Variants in WDPCP observed in about 807,000 individuals in gnomAD.
The protein encoded by WDPCP is WD repeat-containing and planar cell polarity effector protein fritz homolog.
WDPCP carries 71 observed loss-of-function variants against 93.1 expected under a neutral mutation model. That is an observed-to-expected ratio of 0.76 (90% CI 0.63 to 0.93). The LOEUF (loss-of-function observed/expected upper bound fraction) is 0.93. WDPCP is among the 40% of genes least tolerant of loss of function. The pLI, the probability that WDPCP is intolerant of heterozygous loss-of-function variation, is 0.00. For missense variants in WDPCP, 844 were observed against 887.4 expected (o/e 0.95, Z 0.62); for synonymous variants, 315 against 315.0 (o/e 1.00, Z 0.00).
intron 3 of WDPCP, among the ~76,000 whole-genome samples, chr2:63,604,195 C>T (rs1023584292): frequency 1.3e-5 from 2 of 152,118 alleles, no homozygotes; most frequent in South Asian, 2.1e-4. Flanking sequence ...TCCTATCCAA[C>T]TCTAAAATTT....
At chr2:63,561,269 G>C (rs947015585) in intron 1 of WDPCP, among the ~76,000 whole-genome samples, 2 of 152,136 alleles carry the variant, frequency 1.3e-5, no homozygotes, top group Non-Finnish European at 2.9e-5. Flanking sequence ...ATGAGGTCAG[G>C]AGATTGAGAC....
Position 63,319,546 on chromosome 2 carries a change from G to A in WDPCP, c.1749-6235C>T, listed in dbSNP as rs72813485. Among the ~76,000 whole-genome samples, 1,198 of 152,264 alleles carry A rather than the reference G, an allele frequency of 7.9e-3. 13 individuals carry two copies. The highest frequency in any genetic ancestry group is 0.014 in the Middle Eastern group (4 of 294). On this transcript the variant is annotated intron_variant, in intron 12 of 17. Transcript: ENST00000272321. The stretch of plus-strand genomic sequence containing the variant: ...CAAAGTTATATTTATTGGATACACA[G>A]AACTTAAATCAGAGAACCACCTCCT...
intron 3 of WDPCP, among the ~76,000 whole-genome samples, chr2:63,606,658 GTTTT>G (rs796718833): frequency 1.4e-5 from 2 of 145,154 alleles, no homozygotes; most frequent in African/African-American, 5.0e-5. Flanking sequence ...CATTTTTGAA[GTTTT>G]TTTTTTTTAG....
intron 1 of WDPCP, among the ~76,000 whole-genome samples, chr2:63,576,625 G>A (rs1031432190): frequency 6.6e-6 from 1 of 152,298 alleles, no homozygotes; most frequent in East Asian, 1.9e-4. Context: ...ATAGTCATGA[G>A]AGAATCTATC....
chr2:63,745,999 G>T lies in WDPCP; in HGVS notation n.308+67623C>A, dbSNP rs371453619. 2.0e-5 allele frequency among the ~76,000 whole-genome samples: 3 copies of T among 152,226 alleles called. No individual in the cohort carries two copies. The South Asian group carries it at 6.2e-4, about 32-fold the overall frequency. On this transcript the variant is annotated intron_variant and non_coding_transcript_variant, in intron 2 of 4. Coordinates refer to the WDPCP transcript ENST00000467687. Reference sequence around the variant, plus strand: ...TGCATTTTCTTAATCACTAATGAAGGTGAGCATGTTTTCATATGTTTATGG... The same window carrying T: ...TGCATTTTCTTAATCACTAATGAAGTTGAGCATGTTTTCATATGTTTATGG...
chr2:63,381,197 T>G (rs1168792764), intron 11 of WDPCP, among the ~76,000 whole-genome samples: 1 of 152,114 alleles, frequency 6.6e-6, no homozygotes, highest in African/African-American at 2.4e-5. Flanking sequence ...ATAAGAAAAA[T>G]AATACTATTA....
At chr2:63,809,120 G>A (rs1335848716) in intron 2 of WDPCP, among the ~76,000 whole-genome samples, 16 of 151,588 alleles carry the variant, frequency 1.1e-4, no homozygotes, top group Non-Finnish European at 1.5e-4. Context: ...CGCCCTGTCT[G>A]GGAAGTGAGG....
intron 3 of WDPCP, chr2:63,599,099 G>A (rs1048147069): frequency 3.3e-6 from 5 of 1,502,102 alleles, no homozygotes; most frequent in Admixed American, 1.9e-5. Context: ...GACATTTTCA[G>A]TCAAATTTTA....
At chr2:63,668,737 C>A (rs1255113187) in intron 2 of WDPCP, among the ~76,000 whole-genome samples, 1 of 152,134 alleles carries the variant, frequency 6.6e-6, no homozygotes, top group Non-Finnish European at 1.5e-5. Context: ...CTTTCCTCTT[C>A]TGTTTCTACA....
chr2:63,825,293 G>T (rs1003468634), intron 1 of WDPCP, among the ~76,000 whole-genome samples: 3 of 152,062 alleles, frequency 2.0e-5, no homozygotes, highest in African/African-American at 7.2e-5. Flanking sequence ...TATATTAAAA[G>T]GCTCTTATCT....
intron 14 of WDPCP, among the ~76,000 whole-genome samples, chr2:63,211,637 A>C (rs985054646): frequency 1.6e-4 from 24 of 152,224 alleles, no homozygotes; most frequent in Non-Finnish European, 3.2e-4. Context: ...TGAGAGAAGA[A>C]GGCTTCAGAA....
chr2:63,207,765 GT>G (rs1376891681), intron 14 of WDPCP, among the ~76,000 whole-genome samples: 2 of 151,968 alleles, frequency 1.3e-5, no homozygotes, highest in East Asian at 1.9e-4. Context: ...CTACTATAAA[GT>G]TTTTTTCTAT....
chr2:63,176,626 C>T (rs562825787), intron 14 of WDPCP, among the ~76,000 whole-genome samples: 5 of 152,082 alleles, frequency 3.3e-5, no homozygotes, highest in Admixed American at 1.3e-4. Context: ...TGTAGGAGCT[C>T]TGTATGTAGT....
chr2:63,295,120 C>T (rs1231528878), intron 13 of WDPCP, among the ~76,000 whole-genome samples: 1 of 151,742 alleles, frequency 6.6e-6, no homozygotes, highest in African/African-American at 2.4e-5. Flanking sequence ...AAATGTAATC[C>T]CCATGATAAC....
Position 63,492,933 on chromosome 2 carries a change from T to C in WDPCP, c.83A>G (p.Asp28Gly). ...GAAAGACATCTGATGGCAGAAGGAA[T>C]CTCTATCCTGTTTAAAAAATAATTA... ...ASSPLPRQDR[D>G]SFCHQMSFCL... Residue 28 changes from aspartate (D) to glycine (G), a missense_variant, in exon 2 of 18, where the codon GAT (aspartate) becomes GGT (glycine). Coordinates refer to ENST00000272321, the MANE Select transcript of WDPCP (RefSeq NM_015910.7). 1 of 1,613,372 alleles carries C rather than the reference T, an allele frequency of 6.2e-7. No individual in the cohort carries two copies.
At chr2:63,311,777 C>T (rs1338663048) in intron 13 of WDPCP, among the ~76,000 whole-genome samples, 1 of 152,080 alleles carries the variant, frequency 6.6e-6, no homozygotes, top group Non-Finnish European at 1.5e-5. Flanking sequence ...AGGTGCCTTT[C>T]GTGATGTTTC....
chr2:63,815,447 C>A (rs1366834391), intron 1 of WDPCP, among the ~76,000 whole-genome samples: 1 of 152,168 alleles, frequency 6.6e-6, no homozygotes, highest in African/African-American at 2.4e-5. Flanking sequence ...ATACTCTTTT[C>A]CTTATTTTTT....
chr2:63,372,063 G>C (rs1253656163), intron 12 of WDPCP, among the ~76,000 whole-genome samples: 1 of 152,156 alleles, frequency 6.6e-6, no homozygotes, highest in African/African-American at 2.4e-5. Context: ...GCAATTGCTT[G>C]GCTTCTGGTG....
chr2:63,710,810 C>T (rs1669250944), intron 2 of WDPCP, among the ~76,000 whole-genome samples: 1 of 151,992 alleles, frequency 6.6e-6, no homozygotes, highest in Admixed American at 6.6e-5. Flanking sequence ...GTGGATAATC[C>T]CCATGTGGGA....
Sources: allele counts gnomAD v4.1 joint callset (sites outside exome capture counted in the v4.1 genomes callset), GRCh38; gene constraint gnomAD v4.1.1; transcripts MANE v1.5; gene names NCBI Gene and HGNC (gene_info 2026-07-23, HGNC 2026-07-21).